PKHD1: variants seen among roughly 807,000 people sequenced by gnomAD.
PKHD1 encodes fibrocystin.
A neutral mutation model predicts 412.0 loss-of-function variants in PKHD1; 291 were observed. The ratio of observed to expected loss-of-function variants is 0.71; its 90% CI spans 0.64 to 0.78. The LOEUF is 0.78. Ranked by LOEUF, PKHD1 falls within the 30% of genes least tolerant of loss-of-function variation. The probability of loss-of-function intolerance (pLI) is 0.00; values close to 1 mark genes in which losing one functional copy is unlikely to be tolerated. For missense variants in PKHD1, 4,825 were observed against 4,950.7 expected, an observed-to-expected ratio of 0.97 and a Z score of 0.76; for synonymous variants, 1,777 against 1,821.5, an observed-to-expected ratio of 0.98 and a Z score of 0.62.
rs558484027 is a variant in PKHD1, at chr6:51,903,914, C to G, written c.6865+72G>C. On this transcript the variant is annotated intron_variant, in intron 42 of 66. Coordinates refer to ENST00000371117, the MANE Select transcript of PKHD1 (RefSeq NM_138694.4). ...CTTAAGAGACCTAACATTTTGCCAT[C>G]AGGCTTGTCTATAAAATATATGACA... 5.9e-6 allele frequency: 6 copies of G among 1,018,738 alleles called. No individual in the cohort carries two copies. The African/African-American group carries it at 8.3e-5, about 14-fold the overall frequency. The allele number at this position is 1,018,738 out of a possible 1,614,324, so 63.1% of individuals were successfully genotyped here.
At chr6:51,827,961 T>G (rs1767601518) in intron 52 of PKHD1, among the ~76,000 whole-genome samples, 1 of 152,156 alleles carries the variant, frequency 6.6e-6, no homozygotes, top group Non-Finnish European at 1.5e-5. Flanking sequence ...ATTGCATACC[T>G]CTTTGGGAAG....
chr6:51,649,421 A>G (rs1000377243), intron 61 of PKHD1, among the ~76,000 whole-genome samples: 8 of 152,170 alleles, frequency 5.3e-5, no homozygotes, highest in Non-Finnish European at 7.3e-5. Flanking sequence ...AGCTATAATG[A>G]AAATGGACTA....
intron 60 of PKHD1, among the ~76,000 whole-genome samples, chr6:51,666,805 T>TG (rs1291044612): frequency 6.6e-6 from 1 of 151,578 alleles, no homozygotes; most frequent in East Asian, 1.9e-4. Context: ...TTTGGTTTTT[T>TG]GTTCTTGCGA....
In PKHD1 at chr6:51,872,505, T is replaced by A. The variant is rs776785680; in HGVS notation, c.7351-1866A>T. The stretch of plus-strand genomic sequence containing the variant: ...CTCACTGCAACCTCTGCTTCCTGGG[T>A]TGAAGTGATTCTCCTACTTCAGCCT... On this transcript the variant is annotated intron_variant, in intron 46 of 66. Transcript: ENST00000371117. Among the ~76,000 whole-genome samples, 248 of 152,154 alleles carry A rather than the reference T, an allele frequency of 1.6e-3. 3 individuals are homozygous for A. The highest frequency in any genetic ancestry group is 1.8e-3 in the Non-Finnish European group (120 of 67,984).
chr6:51,780,730 G>C (rs933390656), intron 53 of PKHD1, among the ~76,000 whole-genome samples: 6 of 151,926 alleles, frequency 3.9e-5, no homozygotes, highest in African/African-American at 7.2e-5. Context: ...TTGTATATGT[G>C]TGTCATTTTC....
intron 37 of PKHD1, among the ~76,000 whole-genome samples, chr6:51,919,253 T>C (rs978479767): frequency 1.3e-5 from 2 of 152,228 alleles, no homozygotes; most frequent in African/African-American, 4.8e-5. Flanking sequence ...AGGGTTTTTA[T>C]GGTTTTAGGT....
chr6:52,022,864 G>C lies in PKHD1; in HGVS notation c.5317C>G (p.Pro1773Ala). Residue 1773 changes from proline (P) to alanine (A), a missense_variant, in exon 33 of 67, where the codon CCC becomes GCC. Coordinates refer to ENST00000371117, the MANE Select transcript of PKHD1 (RefSeq NM_138694.4). ...GTAGCATTAGCCAGGACTCGGCAGGGAGCACCACACACAGCAGCTGAGACA... is the reference window on the plus strand; with the variant it reads ...GTAGCATTAGCCAGGACTCGGCAGGCAGCACCACACACAGCAGCTGAGACA... The part of the protein sequence containing the change: ...GNVSAAVCGA[P>A]CRVLANATVS... 6.2e-7 allele frequency: 1 copy of C among 1,614,076 alleles called. No homozygotes were observed. Among genetic ancestry groups the C allele is most frequent in the Non-Finnish European group, 8.5e-7 (1 of 1,180,018 alleles).
At position 52,010,368 on chromosome 6, in the gene PKHD1, T is replaced by C. The variant is rs756825030; in HGVS notation, c.5692A>G (p.Asn1898Asp). ...GTAATCTTGACGGTAATTGGCTGAT[T>C]GGGCGTCTCACACTCCATCTCTGCC... ...TEAEMECETPNQPITVKITEI... is the reference protein window; with the variant it reads ...TEAEMECETPDQPITVKITEI... Residue 1898 changes from asparagine to aspartate, a missense_variant, in exon 35 of 67, where the codon AAT (asparagine) becomes GAT (aspartate). Physicochemically the swap from Asn to Asp is conservative, Grantham distance 23. Transcript: ENST00000371117. 32 of 1,613,422 alleles carry C rather than the reference T, an allele frequency of 2.0e-5. No individual in the cohort carries two copies. The African/African-American group carries it at 4.1e-4, about 21-fold the overall frequency.
intron 34 of PKHD1, among the ~76,000 whole-genome samples, chr6:52,014,375 T>C (rs1800188993): frequency 6.6e-6 from 1 of 152,248 alleles, no homozygotes; most frequent in Non-Finnish European, 1.5e-5. Flanking sequence ...CTGTTTATTA[T>C]CTGACTTTCT....
rs760604547 is a variant in PKHD1, at chr6:51,649,099, A to T, written c.11296T>A (p.Phe3766Ile). 1 of 1,613,796 alleles carries T rather than the reference A, an allele frequency of 6.2e-7. No homozygotes were observed. Among genetic ancestry groups the T allele is most frequent in the East Asian group, 2.2e-5 (1 of 44,866 alleles). ...TGAAAAGTTACCTGCTCATCCAAAA[A>T]TACCAATTGTGGCTGCACTGGAAGC... ...NELPVQPQLV[F>I]LDEQNRRVES... The change falls in exon 62 of 67, where the codon TTT (phenylalanine) becomes ATT (isoleucine). Residue 3766 changes from phenylalanine (F) to isoleucine (I), a missense_variant. By Grantham distance (21) the Phe-to-Ile change is conservative. Coordinates refer to ENST00000371117, the MANE Select transcript of PKHD1 (RefSeq NM_138694.4).
Position 51,836,387 on chromosome 6 carries a change from C to A in PKHD1, c.8173+17G>T. 6.4e-7 allele frequency: 1 copy of A among 1,552,596 alleles called. No homozygotes were observed. The highest frequency in any genetic ancestry group is 8.9e-7 in the Non-Finnish European group (1 of 1,124,168). On this transcript the variant is annotated intron_variant, in intron 51 of 66. Coordinates refer to ENST00000371117, the MANE Select transcript of PKHD1 (RefSeq NM_138694.4). ...TCTGCCATACTAGACACTTCTACTTCGTGTGTTAATACTCACCTGAAATAG... is the reference window on the plus strand; with the variant it reads ...TCTGCCATACTAGACACTTCTACTTAGTGTGTTAATACTCACCTGAAATAG...
At chr6:51,801,348 A>G (rs973499867) in intron 52 of PKHD1, among the ~76,000 whole-genome samples, 5 of 152,184 alleles carry the variant, frequency 3.3e-5, no homozygotes, top group African/African-American at 1.2e-4. Flanking sequence ...GATGGTATTC[A>G]GTTCTCTAGA....
intron 50 of PKHD1, among the ~76,000 whole-genome samples, chr6:51,841,619 A>G (rs1249353248): frequency 1.3e-5 from 2 of 152,192 alleles, no homozygotes; most frequent in Admixed American, 1.3e-4. Context: ...AAGAATGTAA[A>G]TTAATTTATT....
chr6:51,649,424 AT>A lies in PKHD1; in HGVS notation c.11175-205del, dbSNP rs1770582361. ...ATATGTTTTCTTAGCTATAATGAAAATGGACTAGGGGGTAGGGAAAATCACA... is the reference window on the plus strand; with the variant it reads ...ATATGTTTTCTTAGCTATAATGAAAAGGACTAGGGGGTAGGGAAAATCACA... On this transcript the variant is annotated intron_variant, in intron 61 of 66. Coordinates refer to ENST00000371117, the MANE Select transcript of PKHD1 (RefSeq NM_138694.4). Among the ~76,000 whole-genome samples the A allele has an allele frequency of 2.6e-5, 4 of 152,190 alleles. No homozygotes were observed. The South Asian group carries it at 8.3e-4, about 31-fold the overall frequency.
chr6:51,784,287 G>T (rs781001017), intron 53 of PKHD1, among the ~76,000 whole-genome samples: 1 of 152,150 alleles, frequency 6.6e-6, no homozygotes, highest in Non-Finnish European at 1.5e-5. Flanking sequence ...AATAATAAAG[G>T]TAGTCCTTGG....
In PKHD1 at chr6:52,069,388, G is replaced by T; in HGVS notation, c.778+69C>A. On this transcript the variant is annotated intron_variant, in intron 11 of 66. Transcript: ENST00000371117. ...AATGGTCATCAAGAAATGGCCAAAA[G>T]ATAGGGAAGGAGGGGCCAACATTGA... The T allele has an allele frequency of 4.5e-6, 5 of 1,119,654 alleles. No homozygotes were observed. In the East Asian group the frequency reaches 1.2e-4, roughly 26 times the overall value. 69.4% of individuals were successfully genotyped at this position (1,119,654 alleles called of 1,614,324 possible).
intron 43 of PKHD1, among the ~76,000 whole-genome samples, chr6:51,903,089 A>C (rs1275990714): frequency 6.6e-6 from 1 of 152,218 alleles, no homozygotes; most frequent in Admixed American, 6.5e-5. Flanking sequence ...TGCATTACCT[A>C]GATGACCAGG....
chr6:51,818,211 A>T (rs554315572), intron 52 of PKHD1, among the ~76,000 whole-genome samples: 1 of 152,338 alleles, frequency 6.6e-6, no homozygotes, highest in Admixed American at 6.5e-5. Context: ...GGCCTGGATA[A>T]TGCAGCCAAA....
intron 35 of PKHD1, among the ~76,000 whole-genome samples, chr6:52,006,298 C>T (rs1799035683): frequency 1.3e-5 from 2 of 151,886 alleles, no homozygotes; most frequent in Admixed American, 6.6e-5. Flanking sequence ...CCTCAGCCTC[C>T]CAAGTTGCTG....
Sources: allele counts gnomAD v4.1 joint callset (sites outside exome capture counted in the v4.1 genomes callset), GRCh38; gene constraint gnomAD v4.1.1; transcripts MANE v1.5; gene names NCBI Gene and HGNC (gene_info 2026-07-23, HGNC 2026-07-21).